The following SLC25A25 variants were observed in gnomAD, a reference collection of about 807,000 sequenced individuals.
SLC25A25 encodes the protein solute carrier family 25 member 25.
In SLC25A25, 32 loss-of-function variants were observed where a neutral mutation model predicts 57.7. That is an observed-to-expected ratio of 0.55 (90% CI 0.42 to 0.74). The LOEUF (loss-of-function observed/expected upper bound fraction) is 0.74, where lower values mean the gene tolerates loss of function less well. Ranked by LOEUF, SLC25A25 falls within the 30% of genes least tolerant of loss-of-function variation. The pLI is 0.00. For synonymous variants in SLC25A25, 306 were observed against 291.2 expected (o/e 1.05, Z -0.52); for missense variants, 556 against 701.3 (o/e 0.79, Z 2.34).
At position 128,095,742 on chromosome 9, in the gene SLC25A25, G is replaced by A. The variant is rs1315832407; in HGVS notation, c.262-5354G>A. ...GGAGAATCGCTTGAACCCAGGAGGTGGAGGTTGTAGTGAGCCAAGATCGCG... is the reference window on the plus strand; with the variant it reads ...GGAGAATCGCTTGAACCCAGGAGGTAGAGGTTGTAGTGAGCCAAGATCGCG... On this transcript the variant is annotated intron_variant, in intron 1 of 10. Transcript: ENST00000373069. This position sits in a 1 kb window ranked among gnomAD's most constrained non-coding sequence, Gnocchi z 4.4. Among the ~76,000 whole-genome samples the A allele has an allele frequency of 6.6e-6, 1 of 152,092 alleles. No individual in the cohort carries two copies. Among genetic ancestry groups the A allele is most frequent in the Non-Finnish European group, 1.5e-5 (1 of 67,996 alleles).
chr9:128,096,861 G>A (rs901199447), intron 1 of SLC25A25, among the ~76,000 whole-genome samples: 3 of 152,192 alleles, frequency 2.0e-5, no homozygotes, highest in Non-Finnish European at 2.9e-5. Flanking sequence ...TGGATTTAGC[G>A]GAGGCTGAGC....
rs1332887429 is a variant in SLC25A25, at chr9:128,076,474, A to AT, written c.261+7903dup. ...TATTTTTATTTTTATTTTTATTTTT[A>AT]TTTTTTTTTGAGACAGAGTCTCTCT... On this transcript the variant is annotated intron_variant, in intron 1 of 10. Coordinates refer to ENST00000373069, the MANE Select transcript of SLC25A25 (RefSeq NM_001330988.2). Among the ~76,000 whole-genome samples, 49 of 85,466 alleles carry AT rather than the reference A, an allele frequency of 5.7e-4. 1 individual carries two copies. The highest frequency in any genetic ancestry group is 1.4e-3 in the African/African-American group (17 of 12,548). 56.1% of individuals were successfully genotyped at this position (85,466 alleles called of 152,430 possible). A position where few individuals can be genotyped will look rare whatever the true frequency, so the allele number is the denominator to read the frequency against.
At chr9:128,089,745 A>T (rs1445029746) in intron 1 of SLC25A25, among the ~76,000 whole-genome samples, 1 of 148,878 alleles carries the variant, frequency 6.7e-6, no homozygotes, top group Non-Finnish European at 1.5e-5. Flanking sequence ...TGATCCTCCC[A>T]CCTCTCAGCC....
In SLC25A25 at chr9:128,103,749, G is replaced by A. The variant is rs1833900860; in HGVS notation, c.693G>A (p.Met231Ile). ...CAGTGGAGGAGAGGCAGACGGGGAT[G>A]TGGTGGAGACACCTGGTGGCAGGAG... Reference protein sequence around the residue: ...EFTVEERQTGMWWRHLVAGGG... With the variant: ...EFTVEERQTGIWWRHLVAGGG... The change falls in exon 6 of 11, where the codon ATG becomes ATA. Residue 231 changes from methionine (M) to isoleucine (I), a missense_variant. Around this residue, in one of 3 missense-constraint regions of SLC25A25, gnomAD observed 294 missense variants for 389.6 expected, o/e 0.75. Transcript: ENST00000373069. The surrounding 1 kb of genome is among the most constrained non-coding windows in gnomAD (Gnocchi z 6.7). 1.2e-6 allele frequency: 2 copies of A among 1,614,176 alleles called. No homozygotes were observed. Among genetic ancestry groups the A allele is most frequent in the African/African-American group, 1.3e-5 (1 of 75,062 alleles).
intron 1 of SLC25A25, among the ~76,000 whole-genome samples, chr9:128,081,942 A>G (rs368339958): frequency 2.6e-5 from 4 of 152,260 alleles, no homozygotes; most frequent in East Asian, 1.9e-4. Context: ...TAGAAATCCC[A>G]TATTTCCAAG....
intron 1 of SLC25A25, among the ~76,000 whole-genome samples, chr9:128,071,481 C>T (rs1242277010): frequency 2.6e-5 from 4 of 152,074 alleles, no homozygotes; most frequent in Admixed American, 6.6e-5. Context: ...GATCTCAGCT[C>T]ACTGCAACCT....
At chr9:128,081,850 G>C (rs1040948972) in intron 1 of SLC25A25, among the ~76,000 whole-genome samples, 3 of 152,266 alleles carry the variant, frequency 2.0e-5, no homozygotes, top group Admixed American at 6.5e-5. Flanking sequence ...GAGCCTGGGA[G>C]GTTGAGGCTG....
At chr9:128,078,541 T>A (rs577331557) in intron 1 of SLC25A25, among the ~76,000 whole-genome samples, 1 of 151,720 alleles carries the variant, frequency 6.6e-6, no homozygotes, top group South Asian at 2.1e-4. Flanking sequence ...ACTCACTCAC[T>A]CTATCTACAC....
At chr9:128,088,602 T>C (rs1036960994) in intron 1 of SLC25A25, among the ~76,000 whole-genome samples, 5 of 152,188 alleles carry the variant, frequency 3.3e-5, no homozygotes, top group African/African-American at 7.2e-5. Flanking sequence ...CTGGCTTCGT[T>C]TGTATACATT....
chr9:128,101,983 C>T lies in SLC25A25; in HGVS notation c.477-97C>T. On this transcript the variant is annotated intron_variant, in intron 3 of 10. Coordinates refer to ENST00000373069, the MANE Select transcript of SLC25A25 (RefSeq NM_001330988.2). This position sits in a 1 kb window ranked among gnomAD's most constrained non-coding sequence, Gnocchi z 4.9. Reference sequence around the variant, plus strand: ...GGCTCGTCTCGTGCCGTGCTGTGCCCCTGTCTCTGGGTGTGTGCTTGCTTC... The same window carrying T: ...GGCTCGTCTCGTGCCGTGCTGTGCCTCTGTCTCTGGGTGTGTGCTTGCTTC... 2 of 1,405,254 alleles carry T rather than the reference C, an allele frequency of 1.4e-6. No individual in the cohort carries two copies. Among genetic ancestry groups the T allele is most frequent in the South Asian group, 1.2e-5 (1 of 80,562 alleles). 87.0% of individuals were successfully genotyped at this position (1,405,254 alleles called of 1,614,324 possible).
Position 128,083,513 on chromosome 9 carries a change from C to CTTTTTTTTTTT in SLC25A25, c.261+14937_261+14947dup, listed in dbSNP as rs1315501906. Reference sequence around the variant, plus strand: ...AATATTTCTTTTTTTTTTCTTTTTTCTTTTTTTTTTTTTTGAGATGAAGTC... The same window carrying CTTTTTTTTTTT: ...AATATTTCTTTTTTTTTTCTTTTTTCTTTTTTTTTTTTTTTTTTTTTTTTTGAGATGAAGTC... On this transcript the variant is annotated intron_variant, in intron 1 of 10. Transcript: ENST00000373069. 4.9e-3 allele frequency among the ~76,000 whole-genome samples: 573 copies of CTTTTTTTTTTT among 117,348 alleles called. 3 individuals are homozygous for CTTTTTTTTTTT. Among genetic ancestry groups the CTTTTTTTTTTT allele is most frequent in the Non-Finnish European group, 7.0e-3 (423 of 60,524 alleles). 77.0% of individuals were successfully genotyped at this position (117,348 alleles called of 152,430 possible). A position where few individuals can be genotyped will look rare whatever the true frequency, so the allele number is the denominator to read the frequency against.
Position 128,107,337 on chromosome 9 carries a change from C to G in SLC25A25, c.1441C>G (p.Leu481Val). ...CCTGCGGACCGAGGGGGCCTTCGGG[C>G]TGTACAGGGGGCTGGCCCCCAACTT... ...HILRTEGAFG[L>V]YRGLAPNFMK... Residue 481 changes from leucine to valine, a missense_variant, in exon 11 of 11, where the codon CTG becomes GTG. Physicochemically the swap from Leu to Val is conservative, Grantham distance 32 (BLOSUM62 1). This residue lies in a region of SLC25A25 where 294 missense variants were observed against 389.6 expected (regional missense o/e 0.75). Transcript: ENST00000373069. 1 of 1,544,244 alleles carries G rather than the reference C, an allele frequency of 6.5e-7. No individual in the cohort carries two copies. The highest frequency in any genetic ancestry group is 1.2e-5 in the South Asian group (1 of 80,220).
intron 1 of SLC25A25, chr9:128,091,909 C>T (rs1465288005): frequency 1.9e-6 from 3 of 1,612,494 alleles, no homozygotes; most frequent in Non-Finnish European, 1.7e-6. Context: ...CTAGCTTTTT[C>T]CCCAGGGCTG....
chr9:128,105,674 G>A (rs962100912), intron 6 of SLC25A25, 55 bp from the exon 7 acceptor site: 32 of 1,610,980 alleles, frequency 2.0e-5, no homozygotes, highest in Non-Finnish European at 2.7e-5. Flanking sequence ...TCTTGGCCGG[G>A]TGAGGCAGCC....
intron 1 of SLC25A25, among the ~76,000 whole-genome samples, chr9:128,075,532 T>TA (rs991163364): frequency 3.3e-5 from 5 of 151,160 alleles, no homozygotes; most frequent in Non-Finnish European, 5.9e-5. Flanking sequence ...TTTTATAAAA[T>TA]AAAAAAAAGA....
intron 1 of SLC25A25, among the ~76,000 whole-genome samples, chr9:128,082,697 G>C (rs532110065): frequency 6.6e-6 from 1 of 152,284 alleles, no homozygotes; most frequent in East Asian, 1.9e-4. Context: ...CCAGGCTAGA[G>C]TGCAGTGGCG....
chr9:128,083,509 T>TTTTC lies in SLC25A25; in HGVS notation c.261+14933_261+14936dup, dbSNP rs1833203677. On this transcript the variant is annotated intron_variant, in intron 1 of 10. Coordinates refer to ENST00000373069, the MANE Select transcript of SLC25A25 (RefSeq NM_001330988.2). ...TGTTAATATTTCTTTTTTTTTTCTT[T>TTTTC]TTTCTTTTTTTTTTTTTTGAGATGA... Among the ~76,000 whole-genome samples, 4 of 63,054 alleles carry TTTTC rather than the reference T, an allele frequency of 6.3e-5. 1 individual carries two copies. Among genetic ancestry groups the TTTTC allele is most frequent in the Admixed American group, 3.4e-4 (2 of 5,852 alleles). 41.4% of individuals were successfully genotyped at this position (63,054 alleles called of 152,430 possible). A position where few individuals can be genotyped will look rare whatever the true frequency, so the allele number is the denominator to read the frequency against.
At chr9:128,096,250 T>C (rs1260711651) in intron 1 of SLC25A25, among the ~76,000 whole-genome samples, 1 of 152,230 alleles carries the variant, frequency 6.6e-6, no homozygotes, top group Non-Finnish European at 1.5e-5. Flanking sequence ...GGCTCATACC[T>C]GTAATCCTAG....
At chr9:128,100,129 G>A (rs980695335) in intron 1 of SLC25A25, among the ~76,000 whole-genome samples, 5 of 152,216 alleles carry the variant, frequency 3.3e-5, no homozygotes, top group Admixed American at 6.5e-5. Flanking sequence ...TTAGGCTCTC[G>A]GAACTCCTGT....
Sources: allele counts gnomAD v4.1 joint callset (sites outside exome capture counted in the v4.1 genomes callset), GRCh38; gene constraint gnomAD v4.1.1; regional missense constraint gnomAD v4.1.1; non-coding constraint Gnocchi (gnomAD v3.1); transcripts MANE v1.5; gene names NCBI Gene and HGNC (gene_info 2026-07-23, HGNC 2026-07-21).